WIPF1: variants seen among roughly 807,000 people sequenced by gnomAD.
WIPF1 encodes WAS/WASL-interacting protein family member 1.
WIPF1 carries 13 observed loss-of-function variants against 35.4 expected under a neutral mutation model. The observed-to-expected ratio is 0.37, with a 90% CI of 0.24 to 0.58. The LOEUF (loss-of-function observed/expected upper bound fraction) is 0.58, where lower values mean the gene tolerates loss of function less well. Among genes scored for constraint, WIPF1 ranks in the 20% least tolerant of loss-of-function variants. WIPF1 has a pLI of 0.74. For missense variants in WIPF1, 591 were observed against 667.0 expected, an observed-to-expected ratio of 0.89 and a Z score of 1.25; for synonymous variants, 267 against 266.3, an observed-to-expected ratio of 1.00 and a Z score of -0.02.
chr2:174,590,533 G>A lies in WIPF1; in HGVS notation c.-38-4922C>T, dbSNP rs905886878. Among the ~76,000 whole-genome samples, 1 of 152,208 alleles carries A rather than the reference G, an allele frequency of 6.6e-6. No homozygotes were observed. Among genetic ancestry groups the A allele is most frequent in the Non-Finnish European group, 1.5e-5 (1 of 68,042 alleles). The stretch of plus-strand genomic sequence containing the variant: ...GCATTTGGTTCTTCCCTTGGAGATG[G>A]GAGCATGGCAGGAAAGGCAGCTGAT... On this transcript the variant is annotated intron_variant, in intron 1 of 7. Coordinates refer to ENST00000679041, the MANE Select transcript of WIPF1 (RefSeq NM_001375834.1). This position sits in a 1 kb window ranked among gnomAD's most constrained non-coding sequence, Gnocchi z 4.6.
intron 1 of WIPF1, among the ~76,000 whole-genome samples, chr2:174,612,830 C>A (rs1686395184): frequency 6.6e-6 from 1 of 151,910 alleles, no homozygotes; most frequent in African/African-American, 2.4e-5. Flanking sequence ...CCTATTTGAA[C>A]CTAAAGGTTA....
intron 1 of WIPF1, among the ~76,000 whole-genome samples, chr2:174,612,288 T>C (rs1010372000): frequency 6.6e-6 from 1 of 152,252 alleles, no homozygotes; most frequent in African/African-American, 2.4e-5. Flanking sequence ...TGTGTTTGTA[T>C]TTAAAATGGG....
In WIPF1 at chr2:174,590,693, T is replaced by A. The variant is rs1476065474; in HGVS notation, c.-38-5082A>T. Among the ~76,000 whole-genome samples, 1 of 152,186 alleles carries A rather than the reference T, an allele frequency of 6.6e-6. No individual in the cohort carries two copies. Among genetic ancestry groups the A allele is most frequent in the Admixed American group, 6.5e-5 (1 of 15,286 alleles). On this transcript the variant is annotated intron_variant, in intron 1 of 7. Coordinates refer to ENST00000679041, the MANE Select transcript of WIPF1 (RefSeq NM_001375834.1). This position sits in a 1 kb window ranked among gnomAD's most constrained non-coding sequence, Gnocchi z 4.6. ...TAGTTGGGCTCTCAGTAGTGTCGGATCACATGCCTACCCACTTGCTGGGCC... is the reference window on the plus strand; with the variant it reads ...TAGTTGGGCTCTCAGTAGTGTCGGAACACATGCCTACCCACTTGCTGGGCC...
chr2:174,669,080 A>G (rs1207719423), intron 1 of WIPF1, among the ~76,000 whole-genome samples: 1 of 152,196 alleles, frequency 6.6e-6, no homozygotes, highest in Non-Finnish European at 1.5e-5. Flanking sequence ...GTAAACAGTA[A>G]ACAATGTTAT....
At chr2:174,662,195 T>C (rs1687792250) in intron 1 of WIPF1, among the ~76,000 whole-genome samples, 1 of 152,240 alleles carries the variant, frequency 6.6e-6, no homozygotes, top group South Asian at 2.1e-4. Flanking sequence ...AGATTACTTA[T>C]AATACCTAAT....
chr2:174,663,045 A>C (rs1314872628), intron 1 of WIPF1, among the ~76,000 whole-genome samples: 2 of 152,198 alleles, frequency 1.3e-5, no homozygotes, highest in African/African-American at 2.4e-5. Context: ...AACAAAAACC[A>C]CTTCTCTATA....
At chr2:174,597,019 T>G (rs1685841606) in intron 1 of WIPF1, among the ~76,000 whole-genome samples, 1 of 152,238 alleles carries the variant, frequency 6.6e-6, no homozygotes, top group Non-Finnish European at 1.5e-5. Flanking sequence ...AGAATTTGAT[T>G]TGCGATAGTA....
At position 174,640,346 on chromosome 2, in the gene WIPF1, T is replaced by C. The variant is rs1395050851; in HGVS notation, c.-39+42428A>G. 3.7e-5 allele frequency among the ~76,000 whole-genome samples: 3 copies of C among 81,024 alleles called. No homozygotes were observed. The Admixed American group carries it at 5.0e-4, about 14-fold the overall frequency. The allele number at this position is 81,024 out of a possible 152,430, so 53.2% of individuals were successfully genotyped here. A position where few individuals can be genotyped will look rare whatever the true frequency, so the allele number is the denominator to read the frequency against. On this transcript the variant is annotated intron_variant, in intron 1 of 8. Transcript: ENST00000272746. The stretch of plus-strand genomic sequence containing the variant: ...GGGGAACATCACACTCTGGGGACTG[T>C]TGTGGGGTGGGGGGAGGGGGGAGGG...
chr2:174,584,081 C>T (rs1288719178), intron 2 of WIPF1, among the ~76,000 whole-genome samples: 1 of 152,162 alleles, frequency 6.6e-6, no homozygotes. Flanking sequence ...TTCCAAAGTG[C>T]ACGCCTGGCC....
intron 1 of WIPF1, chr2:174,623,594 T>C (rs367933885): frequency 2.0e-5 from 3 of 152,220 alleles, no homozygotes; most frequent in Non-Finnish European, 2.9e-5. Flanking sequence ...ATGAACTAGA[T>C]GGGAAAAATA....
At chr2:174,628,955 G>A (rs1686930502) in intron 1 of WIPF1, among the ~76,000 whole-genome samples, 1 of 152,238 alleles carries the variant, frequency 6.6e-6, no homozygotes, top group Non-Finnish European at 1.5e-5. Flanking sequence ...CCTGAGGCCA[G>A]ATGTTCCTGG....
At chr2:174,646,294 C>G (rs1365450024) in intron 1 of WIPF1, among the ~76,000 whole-genome samples, 1 of 152,178 alleles carries the variant, frequency 6.6e-6, no homozygotes, top group African/African-American at 2.4e-5. Context: ...TTTAGGAGCA[C>G]ATCAAACGGG....
intron 1 of WIPF1, among the ~76,000 whole-genome samples, chr2:174,666,119 A>G (rs1687885679): frequency 6.6e-6 from 1 of 152,136 alleles, no homozygotes; most frequent in Non-Finnish European, 1.5e-5. Context: ...CATCTCTACA[A>G]AACTGAAAAA....
intron 1 of WIPF1, among the ~76,000 whole-genome samples, chr2:174,597,184 C>T (rs375973850): frequency 6.6e-6 from 1 of 152,210 alleles, no homozygotes; most frequent in African/African-American, 2.4e-5. Flanking sequence ...ATGGTATTTT[C>T]GTTTGAAGCT....
chr2:174,637,340 C>A (rs908029828), intron 1 of WIPF1, among the ~76,000 whole-genome samples: 2 of 152,002 alleles, frequency 1.3e-5, no homozygotes, highest in African/African-American at 4.8e-5. Context: ...ATTTTGGTTT[C>A]TTTTTTTGTT....
At chr2:174,636,791 T>C (rs1410010683) in intron 1 of WIPF1, among the ~76,000 whole-genome samples, 1 of 152,206 alleles carries the variant, frequency 6.6e-6, no homozygotes, top group Non-Finnish European at 1.5e-5. Context: ...AGACTGGGGT[T>C]ATGGGTTATT....
rs2105792314 is a variant in WIPF1 at position 174,566,146 on chromosome 2, T to G, written c.1456+924A>C. On this transcript the variant is annotated intron_variant, in intron 7 of 7. Transcript: ENST00000679041. ...ACCTCGTGATCCGCCCACCTCAGCCTCCCAAAGTGCTGGGATTACAGGCGT... is the reference window on the plus strand; with the variant it reads ...ACCTCGTGATCCGCCCACCTCAGCCGCCCAAAGTGCTGGGATTACAGGCGT... The G allele has an allele frequency of 2.0e-5, 3 of 152,306 alleles. No individual in the cohort carries two copies. In the East Asian group the frequency reaches 5.8e-4, roughly 29 times the overall value. The allele number at this position is 152,306 out of a possible 1,614,324, so 9.4% of individuals were successfully genotyped here.
rs767692719 is a variant in WIPF1 at position 174,560,451 on chromosome 2, A to C, written c.*2096T>G. The C allele has an allele frequency of 3.9e-5, 6 of 152,608 alleles. No individual in the cohort carries two copies. Among genetic ancestry groups the C allele is most frequent in the Non-Finnish European group, 5.9e-5 (4 of 68,034 alleles). 9.5% of individuals were successfully genotyped at this position (152,608 alleles called of 1,614,324 possible). On this transcript the variant is annotated 3_prime_UTR_variant, in exon 8 of 8. Transcript: ENST00000679041. ...TCCGTCATATTTTCTAGGAAGGGCA[A>C]ATTCCATCTTTTGTGAAATGGGTCA...
chr2:174,669,229 A>G (rs945361772), intron 1 of WIPF1, among the ~76,000 whole-genome samples: 1 of 152,226 alleles, frequency 6.6e-6, no homozygotes, highest in South Asian at 2.1e-4. Flanking sequence ...CAGACAGTGA[A>G]TCCAGATGAA....
Sources: gnomAD v4.1 joint callset for allele counts (sites outside exome capture counted in the v4.1 genomes callset) on GRCh38, gnomAD v4.1.1 for gene constraint, Gnocchi (gnomAD v3.1) non-coding constraint, MANE v1.5 for transcripts, NCBI Gene and HGNC (gene_info 2026-07-23, HGNC 2026-07-21) for gene names.